Variants in SLC35A3 observed in about 807,000 individuals in gnomAD.
SLC35A3 encodes the protein solute carrier family 35 member A3, also known as UDP-N-acetylglucosamine transporter.
Under a neutral mutation model 39.0 loss-of-function variants are expected in SLC35A3, and 26 were observed. The observed-to-expected ratio is 0.67, with a 90% confidence interval of 0.49 to 0.92. The LOEUF is 0.92. Ranked by LOEUF, SLC35A3 falls within the 40% of genes least tolerant of loss-of-function variation. The pLI is 0.00. For synonymous variants in SLC35A3, 135 were observed against 133.1 expected (o/e 1.01, Z -0.10); for missense variants, 299 against 371.6 (o/e 0.80, Z 1.61).
At chr1:100,008,751 A>C (rs923245370) in intron 4 of SLC35A3, 1 of 152,206 alleles carries the variant, frequency 6.6e-6, no homozygotes, top group Non-Finnish European at 1.5e-5. Flanking sequence ...CACAGGCATA[A>C]CATTTAAACA....
At chr1:99,987,037 A>T (rs940356967) in intron 1 of SLC35A3, among the ~76,000 whole-genome samples, 31 of 152,338 alleles carry the variant, frequency 2.0e-4, no homozygotes, top group African/African-American at 7.0e-4. Context: ...TGCCAAATGT[A>T]AGTTGCTGGA....
In SLC35A3 at chr1:100,025,827, T is replaced by C. The variant is rs1205675730; in HGVS notation, c.*3351T>C. On this transcript the variant is annotated 3_prime_UTR_variant, in exon 8 of 8. Transcript: ENST00000533028. ...TACTTTGTTCAATGTGAAAATGTGCTAACTCATGGGAGAAGAGTGCCAATT... is the reference window on the plus strand; with the variant it reads ...TACTTTGTTCAATGTGAAAATGTGCCAACTCATGGGAGAAGAGTGCCAATT... 1.3e-5 allele frequency: 2 copies of C among 152,196 alleles called. No homozygotes were observed. The highest frequency in any genetic ancestry group is 2.9e-5 in the Non-Finnish European group (2 of 68,024). 9.4% of individuals were successfully genotyped at this position (152,196 alleles called of 1,614,324 possible). A position where few individuals can be genotyped will look rare whatever the true frequency, so the allele number is the denominator to read the frequency against.
At chr1:100,015,190 A>G (rs1660010508) in intron 5 of SLC35A3, 112 bp from the exon 6 acceptor site, 3 of 1,041,686 alleles carry the variant, frequency 2.9e-6, no homozygotes, top group Non-Finnish European at 2.6e-6. Flanking sequence ...AAGTAATCTA[A>G]TTTTATCAAA....
intron 7 of SLC35A3, among the ~76,000 whole-genome samples, chr1:100,022,114 C>A (rs1424905048): frequency 6.6e-6 from 1 of 152,054 alleles, no homozygotes; most frequent in Admixed American, 6.6e-5. Context: ...GGACTTTAGA[C>A]AAGTTATTTA....
intron 1 of SLC35A3, among the ~76,000 whole-genome samples, chr1:99,983,931 T>A (rs1384346557): frequency 6.6e-6 from 1 of 152,180 alleles, no homozygotes; most frequent in Non-Finnish European, 1.5e-5. Flanking sequence ...CTTATTTTTT[T>A]ATTTTATTTT....
At chr1:99,970,883 G>A (rs769238072) in intron 1 of SLC35A3, among the ~76,000 whole-genome samples, 1 of 152,196 alleles carries the variant, frequency 6.6e-6, no homozygotes, top group African/African-American at 2.4e-5. Flanking sequence ...TAAACTCAGG[G>A]TGTTTCAAGG....
intron 5 of SLC35A3, among the ~76,000 whole-genome samples, chr1:100,012,305 AAAAG>A (rs1171762685): frequency 6.6e-6 from 1 of 152,144 alleles, no homozygotes; most frequent in Non-Finnish European, 1.5e-5. Flanking sequence ...ATATCAGAGA[AAAAG>A]AAAGAAATAA....
rs1660992518 is a variant in SLC35A3 at position 100,027,602 on chromosome 1, G to A, written c.*5126G>A. 1 of 156,994 alleles carries A rather than the reference G, an allele frequency of 6.4e-6. No homozygotes were observed. Among genetic ancestry groups the A allele is most frequent in the Non-Finnish European group, 1.4e-5 (1 of 71,256 alleles). The allele number at this position is 156,994 out of a possible 1,614,324, so 9.7% of individuals were successfully genotyped here. On this transcript the variant is annotated 3_prime_UTR_variant, in exon 8 of 8. Transcript: ENST00000533028. ...GCCTCAAGGTTAAGTAATTATAGAA[G>A]TTTGGTATGTATTTTCTTCATAATT... is the stretch of plus-strand genomic sequence containing the variant.
chr1:100,007,230 A>C (rs1044453889), intron 4 of SLC35A3, 74 bp downstream of exon 4: 23 of 1,315,420 alleles, frequency 1.7e-5, no homozygotes, highest in South Asian at 1.3e-4. Flanking sequence ...GTGTGGAGAA[A>C]TATGGTTCTA....
At chr1:99,989,498 G>A (rs894801926) in intron 1 of SLC35A3, among the ~76,000 whole-genome samples, 5 of 152,116 alleles carry the variant, frequency 3.3e-5, no homozygotes, top group South Asian at 2.1e-4. Context: ...TGGCCAGGCC[G>A]CTCTTGAACT....
At chr1:100,017,477 C>A (rs941547596) in intron 6 of SLC35A3, among the ~76,000 whole-genome samples, 11 of 152,120 alleles carry the variant, frequency 7.2e-5, no homozygotes, top group Admixed American at 5.9e-4. Flanking sequence ...CTGGTAGTTA[C>A]TTTAATTAAA....
At chr1:100,022,347 C>A in intron 7 of SLC35A3, 39 bp from the exon 8 acceptor site, 2 of 1,108,728 alleles carry the variant, frequency 1.8e-6, no homozygotes, top group South Asian at 1.4e-5. Context: ...TGCTTTTAAT[C>A]TGATTTTCTC....
At chr1:100,017,839 T>A in intron 7 of SLC35A3, 24 bp downstream of exon 7, 1 of 1,489,724 alleles carries the variant, frequency 6.7e-7, no homozygotes, top group Non-Finnish European at 9.1e-7. Flanking sequence ...TTCTATTTTT[T>A]TAAATCCCCA....
intron 1 of SLC35A3, chr1:99,970,694 A>C: frequency 1.3e-3 from 1,632 of 1,302,116 alleles, no homozygotes; most frequent in Non-Finnish European, 1.6e-3. Context: ...TGAGATTCTC[A>C]TCAGAACAGG....
intron 1 of SLC35A3, among the ~76,000 whole-genome samples, chr1:99,976,715 T>G (rs1169921065): frequency 1.3e-5 from 2 of 152,278 alleles, no homozygotes; most frequent in East Asian, 1.9e-4. Context: ...AACAGAAAAC[T>G]AAATACTGCA....
intron 2 of SLC35A3, among the ~76,000 whole-genome samples, chr1:99,997,201 G>T (rs372823798): frequency 6.6e-6 from 1 of 151,354 alleles, no homozygotes; most frequent in African/African-American, 2.4e-5. Flanking sequence ...TGCAGCTATG[G>T]GTAGTTATGC....
At chr1:99,981,706 C>T (rs756352963) in intron 1 of SLC35A3, among the ~76,000 whole-genome samples, 28 of 151,948 alleles carry the variant, frequency 1.8e-4, no homozygotes, top group Non-Finnish European at 3.4e-4. Flanking sequence ...GGCTCGAACT[C>T]CTGGCCTCAA....
At chr1:99,972,676 C>T (rs1656887936) in intron 1 of SLC35A3, among the ~76,000 whole-genome samples, 1 of 152,112 alleles carries the variant, frequency 6.6e-6, no homozygotes, top group African/African-American at 2.4e-5. Flanking sequence ...TACTTGAACA[C>T]ATCATGATGT....
chr1:99,997,492 A>G (rs1453801904), intron 2 of SLC35A3, among the ~76,000 whole-genome samples: 5 of 137,094 alleles, frequency 3.6e-5, no homozygotes, highest in Non-Finnish European at 7.7e-5. Context: ...ATATTATCAC[A>G]TACCAGGCAC....
Sources: allele counts gnomAD v4.1 joint callset (sites outside exome capture counted in the v4.1 genomes callset), GRCh38; gene constraint gnomAD v4.1.1; transcripts MANE v1.5; gene names NCBI Gene and HGNC (gene_info 2026-07-23, HGNC 2026-07-21).